PCDHGB5: variants seen among roughly 807,000 people sequenced by gnomAD.
PCDHGB5 encodes the protein protocadherin gamma-B5.
Under a neutral mutation model 62.9 loss-of-function variants are expected in PCDHGB5, and 48 were observed. The observed-to-expected ratio is 0.76, with a 90% CI of 0.61 to 0.97. The LOEUF is 0.97. Ranked by LOEUF, PCDHGB5 falls within the 50% of genes least tolerant of loss-of-function variation. The probability of loss-of-function intolerance (pLI) is 0.00; values close to 1 mark genes in which losing one functional copy is unlikely to be tolerated. For synonymous variants in PCDHGB5, 474 were observed against 511.2 expected (o/e 0.93, Z 0.98); for missense variants, 1,118 against 1,198.6 (o/e 0.93, Z 0.99).
chr5:141,498,656 G>A (rs2154592341), intron 2 of PCDHGB5, among the ~76,000 whole-genome samples: 1 of 152,336 alleles, frequency 6.6e-6, no homozygotes, highest in Non-Finnish European at 1.5e-5. Context: ...ACCTGGCCAG[G>A]TGTGGTGGCT....
At chr5:141,409,792 C>T in intron 1 of PCDHGB5, 1 of 1,612,068 alleles carries the variant, frequency 6.2e-7, no homozygotes, top group African/African-American at 1.3e-5. Flanking sequence ...CCTTCGCGCT[C>T]ACGCTGCAGG....
At chr5:141,420,501 A>T in intron 1 of PCDHGB5, 1 of 469,392 alleles carries the variant, frequency 2.1e-6, no homozygotes, top group East Asian at 4.1e-5. Context: ...CTCCGGTGAC[A>T]TTTTTATGAA....
intron 1 of PCDHGB5, among the ~76,000 whole-genome samples, chr5:141,467,824 G>A (rs1272399938): frequency 2.0e-5 from 3 of 151,798 alleles, no homozygotes; most frequent in Non-Finnish European, 4.4e-5. Flanking sequence ...ACACCAGGCT[G>A]ATTTTTATAT....
Position 141,476,220 on chromosome 5 carries a change from A to G in PCDHGB5, c.2398-18587A>G, listed in dbSNP as rs770978000. On this transcript the variant is annotated intron_variant, in intron 1 of 3. Coordinates refer to ENST00000617380, the MANE Select transcript of PCDHGB5 (RefSeq NM_018925.3). This position sits in a 1 kb window ranked among gnomAD's most constrained non-coding sequence, Gnocchi z 7.6. Reference sequence around the variant, plus strand: ...AACAAGGCTTCCACGGTCATTCACTATGAGATCCCGGAGGAAAGAGAGAAG... The same window carrying G: ...AACAAGGCTTCCACGGTCATTCACTGTGAGATCCCGGAGGAAAGAGAGAAG... 44 of 1,613,884 alleles carry G rather than the reference A, an allele frequency of 2.7e-5. No individual in the cohort carries two copies. The highest frequency in any genetic ancestry group is 3.4e-5 in the Non-Finnish European group (40 of 1,180,004).
Position 141,491,722 on chromosome 5 carries a change from CG to C in PCDHGB5, c.2398-3082del. Reference sequence around the variant, plus strand: ...CCAGGTGAGGGGCTCGGCGCCGCCCCGGGCGACCCCTGGGGGCGGCACTGGA... The same window carrying C: ...CCAGGTGAGGGGCTCGGCGCCGCCCCGGCGACCCCTGGGGGCGGCACTGGA... On this transcript the variant is annotated intron_variant, in intron 1 of 3. Transcript: ENST00000617380. The surrounding 1 kb of genome is among the most constrained non-coding windows in gnomAD (Gnocchi z 6.9). The C allele has an allele frequency of 1.2e-6, 2 of 1,607,004 alleles. No homozygotes were observed. Among genetic ancestry groups the C allele is most frequent in the Non-Finnish European group, 1.7e-6 (2 of 1,177,148 alleles).
intron 1 of PCDHGB5, chr5:141,416,047 A>T (rs2095986655): frequency 1.6e-5 from 3 of 187,858 alleles, no homozygotes; most frequent in Non-Finnish European, 3.2e-5. Context: ...TGGAAACACA[A>T]CCCAAATCCA....
At chr5:141,444,561 G>A (rs1554133061) in intron 1 of PCDHGB5, among the ~76,000 whole-genome samples, 2 of 152,098 alleles carry the variant, frequency 1.3e-5, no homozygotes, top group Non-Finnish European at 2.9e-5. Context: ...GCACTTATTT[G>A]ACACTTTTGA....
intron 1 of PCDHGB5, among the ~76,000 whole-genome samples, chr5:141,482,498 T>G (rs1226516612): frequency 1.5e-5 from 2 of 135,390 alleles, no homozygotes; most frequent in African/African-American, 3.0e-5. Context: ...GTTATCATTC[T>G]GGTACCCAGA....
At chr5:141,410,804 T>A in intron 1 of PCDHGB5, 1 of 674,100 alleles carries the variant, frequency 1.5e-6, no homozygotes, top group Non-Finnish European at 2.3e-6. Flanking sequence ...TTGCTCTATC[T>A]TTTTGTAAAA....
rs986276637 is a variant in PCDHGB5, at chr5:141,487,728, C to A, written c.2398-7079C>A. The A allele has an allele frequency of 3.2e-6, 5 of 1,570,444 alleles. No individual in the cohort carries two copies. The highest frequency in any genetic ancestry group is 2.3e-5 in the East Asian group (1 of 42,866). On this transcript the variant is annotated intron_variant, in intron 1 of 3. Transcript: ENST00000617380. The surrounding 1 kb of genome is among the most constrained non-coding windows in gnomAD (Gnocchi z 5.0). ...TCAGTAAGTGCCCATAGTGATGTCACCATTTTTGTAAGAGGTAACTATGTG... is the reference window on the plus strand; with the variant it reads ...TCAGTAAGTGCCCATAGTGATGTCAACATTTTTGTAAGAGGTAACTATGTG...
chr5:141,460,511 A>G (rs533913282), intron 1 of PCDHGB5, among the ~76,000 whole-genome samples: 2 of 152,286 alleles, frequency 1.3e-5, no homozygotes, highest in Admixed American at 1.3e-4. Context: ...TGAGAAGGCT[A>G]TCTTTTCCCC....
At chr5:141,475,571 G>A (rs1426547386) in intron 1 of PCDHGB5, among the ~76,000 whole-genome samples, 1 of 152,212 alleles carries the variant, frequency 6.6e-6, no homozygotes, top group East Asian at 1.9e-4. Context: ...CTTCCAACAA[G>A]CCAGATTTGT....
At chr5:141,433,487 C>T (rs1052153936) in intron 1 of PCDHGB5, among the ~76,000 whole-genome samples, 3 of 152,094 alleles carry the variant, frequency 2.0e-5, no homozygotes, top group African/African-American at 7.2e-5. Context: ...TCCTGCTTCT[C>T]CCTCCCAAAC....
At chr5:141,403,420 A>G in intron 1 of PCDHGB5, 1 of 1,614,050 alleles carries the variant, frequency 6.2e-7, no homozygotes, top group African/African-American at 1.3e-5. Flanking sequence ...CACTTCCAGA[A>G]GCTATTGATC....
intron 1 of PCDHGB5, among the ~76,000 whole-genome samples, chr5:141,481,836 G>A (rs1435746995): frequency 2.7e-5 from 4 of 150,638 alleles, no homozygotes; most frequent in Non-Finnish European, 5.9e-5. Context: ...CAGGAGAATC[G>A]CTTGATGGTG....
chr5:141,409,226 G>A (rs753236012), intron 1 of PCDHGB5: 1 of 1,613,862 alleles, frequency 6.2e-7, no homozygotes, highest in African/African-American at 1.3e-5. Flanking sequence ...TGATGAAAAC[G>A]ACAACAGCCC....
intron 1 of PCDHGB5, among the ~76,000 whole-genome samples, chr5:141,447,321 G>C (rs148203274): frequency 3.9e-5 from 6 of 152,068 alleles, no homozygotes; most frequent in Admixed American, 6.5e-5. Flanking sequence ...TGTATTTTTA[G>C]TAGAGACGGG....
Position 141,432,098 on chromosome 5 carries a change from G to A in PCDHGB5, c.2397+31574G>A. 1.2e-6 allele frequency: 2 copies of A among 1,614,056 alleles called. No homozygotes were observed. Among genetic ancestry groups the A allele is most frequent in the Non-Finnish European group, 1.7e-6 (2 of 1,180,002 alleles). ...CTCGCTGAACGTGGCAGACACCAAC[G>A]ACAACCCGCCGGTCTTCCCTCAGGC... On this transcript the variant is annotated intron_variant, in intron 1 of 3. Transcript: ENST00000617380. The surrounding 1 kb of genome is among the most constrained non-coding windows in gnomAD (Gnocchi z 6.0).
chr5:141,398,964 T>C lies in PCDHGB5; in HGVS notation c.837T>C (p.Tyr279=), dbSNP rs768223911. 1.5e-5 allele frequency: 25 copies of C among 1,613,826 alleles called. No homozygotes were observed. In the South Asian group the frequency reaches 2.4e-4, roughly 16 times the overall value. The change falls in exon 1 of 4, where the codon TAT becomes TAC. Residue 279 remains tyrosine (Y), a synonymous_variant. Coordinates refer to ENST00000617380, the MANE Select transcript of PCDHGB5 (RefSeq NM_018925.3). ...AGGGCATCAACTCAGAAATTACTTA[T>C]TCCTTCTACAGAACCGGGCAAATCT... The part of the protein sequence containing the change: ...QDEGINSEIT[Y]SFYRTGQIFS...
Sources: gnomAD v4.1 joint callset for allele counts (sites outside exome capture counted in the v4.1 genomes callset) on GRCh38, gnomAD v4.1.1 for gene constraint, Gnocchi (gnomAD v3.1) non-coding constraint, MANE v1.5 for transcripts, NCBI Gene and HGNC (gene_info 2026-07-23, HGNC 2026-07-21) for gene names.